ZNF311: variants seen among roughly 807,000 people sequenced by gnomAD.
ZNF311 encodes the protein zinc finger protein zfp31.
In ZNF311, 14 loss-of-function variants were observed where a neutral mutation model predicts 22.7. That is an observed-to-expected ratio of 0.62 (90% CI 0.41 to 0.96). ZNF311 has a LOEUF of 0.96. ZNF311 is among the 40% of genes least tolerant of loss of function. ZNF311 has a pLI of 0.00. For synonymous variants in ZNF311, 250 were observed against 275.3 expected, an observed-to-expected ratio of 0.91 and a Z score of 0.91; for missense variants, 731 against 799.0, an observed-to-expected ratio of 0.91 and a Z score of 1.03.
rs1781012411 is a variant in ZNF311, at chr6:29,005,111, C to G, written c.-364G>C. On this transcript the variant is annotated 5_prime_UTR_variant, in exon 1 of 7. Transcript: ENST00000377179. ...TATACATTGTTTACGGTGGTTCTAC[C>G]TTCGCTAAAATCTAGGCTCTTAGGC... The G allele has an allele frequency of 6.6e-6, 1 of 151,928 alleles. No individual in the cohort carries two copies. Among genetic ancestry groups the G allele is most frequent in the African/African-American group, 2.4e-5 (1 of 41,348 alleles). 9.4% of individuals were successfully genotyped at this position (151,928 alleles called of 1,614,324 possible). A position where few individuals can be genotyped will look rare whatever the true frequency, so the allele number is the denominator to read the frequency against.
intron 6 of ZNF311, among the ~76,000 whole-genome samples, chr6:28,998,080 G>C (rs1048515236): frequency 6.6e-6 from 1 of 151,160 alleles, no homozygotes; most frequent in Non-Finnish European, 1.5e-5. Flanking sequence ...TTTCTCACAT[G>C]TTATTCCTTC....
intron 3 of ZNF311, among the ~76,000 whole-genome samples, chr6:29,002,102 G>A (rs1372389327): frequency 6.6e-6 from 1 of 152,136 alleles, no homozygotes; most frequent in Non-Finnish European, 1.5e-5. Context: ...GAAATTGAAA[G>A]GTTATTCCTC....
chr6:28,998,632 C>T, intron 6 of ZNF311, 102 bp downstream of exon 6: 1 of 753,644 alleles, frequency 1.3e-6, no homozygotes. Context: ...AATGGGTTTC[C>T]TTTCTGGGCC....
At position 28,999,547 on chromosome 6, in the gene ZNF311, C is replaced by G; in HGVS notation, c.250G>C (p.Ala84Pro). ...TNREWQCLTY[A>P]QRHLYKDVML... ...ACATCCTTATAGAGATGCCTTTGAG[C>G]GTAGGTCAGACACTGCCACTCCCTG... Residue 84 changes from alanine to proline, a missense_variant, in exon 5 of 7, where the codon GCT becomes CCT. By Grantham distance (27) the Ala-to-Pro change is conservative. Transcript: ENST00000377179. The G allele has an allele frequency of 6.2e-7, 1 of 1,613,608 alleles. No homozygotes were observed. Among genetic ancestry groups the G allele is most frequent in the Non-Finnish European group, 8.5e-7 (1 of 1,179,986 alleles).
rs567746627 is a variant in ZNF311 at position 29,004,097 on chromosome 6, C to T, written c.-143G>A. The T allele has an allele frequency of 2.8e-4, 439 of 1,584,366 alleles. 1 individual carries two copies. The African/African-American group carries it at 3.8e-3, about 14-fold the overall frequency. On this transcript the variant is annotated 5_prime_UTR_variant, in exon 2 of 7. Coordinates refer to ENST00000377179, the MANE Select transcript of ZNF311 (RefSeq NM_001382360.1). ...AGAACACATGTTTTGGTGGTGCCAG[C>T]CAAAGGGCCCTTCTTGACCCACAGT...
chr6:28,999,886 AG>A, intron 4 of ZNF311, 69 bp downstream of exon 4: 1 of 1,490,556 alleles, frequency 6.7e-7, no homozygotes, highest in African/African-American at 1.4e-5. Flanking sequence ...CAGAGAACGC[AG>A]TGAAAACAAG....
chr6:29,000,018 TGAAGGCAGGATATG>T lies in ZNF311; in HGVS notation c.107_120del (p.Pro36HisfsTer2). On this transcript the variant is annotated frameshift_variant, in exon 4 of 7. Coordinates refer to ENST00000377179, the MANE Select transcript of ZNF311 (RefSeq NM_001382360.1). LOFTEE classifies it high-confidence loss of function. ...AGGTTTCCTTGGCTTCCATCTTTAG[TGAAGGCAGGATATG>T]GAGCAGGTAATAGAGCTGAGGGAAG... 1 of 1,613,746 alleles carries T rather than the reference TGAAGGCAGGATATG, an allele frequency of 6.2e-7. No individual in the cohort carries two copies. The highest frequency in any genetic ancestry group is 8.5e-7 in the Non-Finnish European group (1 of 1,179,944).
At position 28,995,686 on chromosome 6, in the gene ZNF311, C is replaced by T. The variant is rs761553620; in HGVS notation, c.1316G>A (p.Arg439Gln). The T allele has an allele frequency of 1.5e-5, 25 of 1,613,564 alleles. No individual in the cohort carries two copies. The highest frequency in any genetic ancestry group is 2.7e-5 in the African/African-American group (2 of 75,020). The part of the protein sequence containing the change: ...DLSKHKRIHT[R>Q]EKHYGCPQCG... Reference sequence around the variant, plus strand: ...CTGGGGACACCCATAGTGTTTCTCCCGAGTATGGATTCGTTTGTGTTTGCT... The same window carrying T: ...CTGGGGACACCCATAGTGTTTCTCCTGAGTATGGATTCGTTTGTGTTTGCT... The change falls in exon 7 of 7, where the codon CGG becomes CAG. Residue 439 changes from arginine (R) to glutamine (Q), a missense_variant. Arg to Gln is a conservative substitution (Grantham distance 43, BLOSUM62 1). Coordinates refer to ENST00000377179, the MANE Select transcript of ZNF311 (RefSeq NM_001382360.1). The surrounding 1 kb of genome is among the most constrained non-coding windows in gnomAD (Gnocchi z 4.7).
intron 3 of ZNF311, among the ~76,000 whole-genome samples, chr6:29,001,180 T>C (rs1205227127): frequency 1.3e-5 from 2 of 152,208 alleles, no homozygotes; most frequent in African/African-American, 4.8e-5. Context: ...TTTTTCTTGA[T>C]AGTTTATCAA....
chr6:28,996,387 TTC>T lies in ZNF311; in HGVS notation c.613_614del (p.Glu205ArgfsTer6). 1.2e-6 allele frequency: 2 copies of T among 1,611,270 alleles called. No homozygotes were observed. The highest frequency in any genetic ancestry group is 1.7e-6 in the Non-Finnish European group (2 of 1,179,936). ...WETSIREKLR[E>X]EKEGSEEVTC... The stretch of plus-strand genomic sequence containing the variant: ...TCACTTCCTCAGAGCCTTCTTTCTC[TTC>T]TCTCAGTTTCTCCCTTATAGATGTT... On this transcript the variant is annotated frameshift_variant, in exon 7 of 7. Transcript: ENST00000377179. LOFTEE classifies it low-confidence loss of function (END_TRUNC).
At chr6:29,003,102 T>C (rs1562348240) in intron 3 of ZNF311, among the ~76,000 whole-genome samples, 1 of 152,212 alleles carries the variant, frequency 6.6e-6, no homozygotes, top group Non-Finnish European at 1.5e-5. Context: ...AGAAGTAAAA[T>C]TGTATATATT....
intron 3 of ZNF311, 58 bp downstream of exon 3, chr6:29,003,455 T>C (rs1011195545): frequency 8.4e-6 from 13 of 1,539,946 alleles, no homozygotes; most frequent in Non-Finnish European, 1.1e-5. Flanking sequence ...ACCCACTCTG[T>C]GTCCTTACTA....
Position 29,000,042 on chromosome 6 carries a change from A to T in ZNF311, c.97T>A (p.Leu33Ile). 1 of 1,613,230 alleles carries T rather than the reference A, an allele frequency of 6.2e-7. No individual in the cohort carries two copies. The highest frequency in any genetic ancestry group is 8.5e-7 in the Non-Finnish European group (1 of 1,179,792). Reference sequence around the variant, plus strand: ...GTGAAGGCAGGATATGGAGCAGGTAATAGAGCTGAGGGAAGATAAGTAAGC... The same window carrying T: ...GTGAAGGCAGGATATGGAGCAGGTATTAGAGCTGAGGGAAGATAAGTAAGC... Reference protein sequence around the residue: ...DTQLPQESALLPAPYPAFTKD... With the variant: ...DTQLPQESALIPAPYPAFTKD... The change falls in exon 4 of 7, where the codon TTA becomes ATA. Residue 33 changes from leucine (L) to isoleucine (I), a missense_variant. Physicochemically the swap from Leu to Ile is conservative, Grantham distance 5. Transcript: ENST00000377179.
intron 5 of ZNF311, among the ~76,000 whole-genome samples, chr6:28,999,081 C>A (rs1780049396): frequency 6.7e-6 from 1 of 149,372 alleles, no homozygotes; most frequent in African/African-American, 2.5e-5. Context: ...GGTGTGCTCT[C>A]CTGTTTTTTT....
chr6:28,996,089 A>G lies in ZNF311; in HGVS notation c.913T>C (p.Cys305Arg), dbSNP rs377545660. The change falls in exon 7 of 7, where the codon TGC becomes CGC. Residue 305 changes from cysteine (C) to arginine (R), a missense_variant. Cys to Arg is a radical substitution (Grantham distance 180). Transcript: ENST00000377179. ...IIHTGEKPFN[C>R]TQCGKAFNSR... ...TTGAAAGCCTTCCCACACTGGGTGC[A>G]ATTAAAAGGTTTCTCCCCTGTGTGG... is the stretch of plus-strand genomic sequence containing the variant. 7.3e-5 allele frequency: 117 copies of G among 1,613,306 alleles called. No individual in the cohort carries two copies. Among genetic ancestry groups the G allele is most frequent in the Middle Eastern group, 6.6e-4 (4 of 6,062 alleles).
chr6:28,999,970 T>C lies in ZNF311; in HGVS notation c.169A>G (p.Met57Val). 2 of 1,613,372 alleles carry C rather than the reference T, an allele frequency of 1.2e-6. No individual in the cohort carries two copies. The highest frequency in any genetic ancestry group is 1.7e-6 in the Non-Finnish European group (2 of 1,179,846). ...CCTCAGCTCACTTGGGCCTGGCTCA[T>C]TAGTGTGATATCTGCTTGCGGCAGG... ...GNLPQADITLMSQAQESVTFE... is the reference protein window; with the variant it reads ...GNLPQADITLVSQAQESVTFE... The change falls in exon 4 of 7, where the codon ATG (methionine) becomes GTG (valine). Residue 57 changes from methionine to valine, a missense_variant. By Grantham distance (21) the Met-to-Val change is conservative. Transcript: ENST00000377179.
At chr6:29,001,957 C>T (rs2150713946) in intron 3 of ZNF311, among the ~76,000 whole-genome samples, 1 of 152,274 alleles carries the variant, frequency 6.6e-6, no homozygotes, top group African/African-American at 2.4e-5. Flanking sequence ...CTTAAATGTA[C>T]CCTTAGAGAA....
At chr6:29,005,316 CAAA>C (rs9280532), upstream of ZNF311, 6 of 96,684 alleles carry the variant, frequency 6.2e-5, no homozygotes, top group East Asian at 2.6e-4. Flanking sequence ...ACTCCGGTCT[CAAA>C]AAAAAAAAAA....
Position 28,996,362 on chromosome 6 carries a change from T to G in ZNF311, c.640A>C (p.Thr214Pro). The G allele has an allele frequency of 6.2e-7, 1 of 1,612,166 alleles. No individual in the cohort carries two copies. Among genetic ancestry groups the G allele is most frequent in the Non-Finnish European group, 8.5e-7 (1 of 1,179,990 alleles). Residue 214 changes from threonine (T) to proline (P), a missense_variant, in exon 7 of 7, where the codon ACC becomes CCC. Thr to Pro is a conservative substitution (Grantham distance 38, BLOSUM62 -1). Transcript: ENST00000377179. ...REEKEGSEEVTCKKGKNQKVL... is the reference protein window; with the variant it reads ...REEKEGSEEVPCKKGKNQKVL... ...TTCTGGTTCTTTCCTTTTTTGCAGG[T>G]CACTTCCTCAGAGCCTTCTTTCTCT...
Sources: gnomAD v4.1 joint callset for allele counts (sites outside exome capture counted in the v4.1 genomes callset) on GRCh38, gnomAD v4.1.1 for gene constraint, Gnocchi (gnomAD v3.1) non-coding constraint, MANE v1.5 for transcripts, NCBI Gene and HGNC (gene_info 2026-07-23, HGNC 2026-07-21) for gene names.